The following AKTIP variants were observed in gnomAD, a reference collection of about 807,000 sequenced individuals.
The protein encoded by AKTIP is AKT-interacting protein.
In AKTIP, 16 loss-of-function variants were observed where a neutral mutation model predicts 39.1. The ratio of observed to expected loss-of-function variants is 0.41; its 90% CI spans 0.28 to 0.62. The LOEUF is 0.62. Among genes scored for constraint, AKTIP ranks in the 20% least tolerant of loss-of-function variants. AKTIP has a pLI of 0.32. For missense variants in AKTIP, 262 were observed against 356.6 expected (o/e 0.73, Z 2.14); for synonymous variants, 93 against 124.3 (o/e 0.75, Z 1.67).
upstream of AKTIP, among the ~76,000 whole-genome samples, chr16:53,503,482 C>CT (rs1962314036): frequency 6.6e-6 from 1 of 152,224 alleles, no homozygotes; most frequent in Non-Finnish European, 1.5e-5. Flanking sequence ...GTAACAGCGC[C>CT]TGGGACGGCC....
chr16:53,498,792 A>T (rs575042998), intron 2 of AKTIP, among the ~76,000 whole-genome samples, 196 bp from the exon 3 acceptor site: 30 of 152,360 alleles, frequency 2.0e-4, no homozygotes, highest in Admixed American at 1.1e-3. Context: ...AGACCAAAGC[A>T]TTAGAGAAAC....
At chr16:53,502,346 T>C (rs1227097630) in intron 1 of AKTIP, among the ~76,000 whole-genome samples, 3 of 152,220 alleles carry the variant, frequency 2.0e-5, no homozygotes, top group Non-Finnish European at 4.4e-5. Flanking sequence ...TCCTTGTCAC[T>C]TGGAAACAAT....
chr16:53,499,034 C>A (rs1435425992), intron 2 of AKTIP, among the ~76,000 whole-genome samples: 1 of 152,228 alleles, frequency 6.6e-6, no homozygotes, highest in African/African-American at 2.4e-5. Context: ...CAGTCACTGC[C>A]TGTTAGCACT....
At chr16:53,504,368 C>A (rs1183309583), upstream of AKTIP, 1 of 152,164 alleles carries the variant, frequency 6.6e-6, no homozygotes, top group Non-Finnish European at 1.5e-5. Flanking sequence ...ACTCAGAAGC[C>A]GCATTCTCTG....
Position 53,491,409 on chromosome 16 carries a change from C to CTAT in AKTIP, c.*1000_*1002dup, listed in dbSNP as rs984244807. 30 of 152,388 alleles carry CTAT rather than the reference C, an allele frequency of 2.0e-4. No homozygotes were observed. The highest frequency in any genetic ancestry group is 7.2e-4 in the African/African-American group (30 of 41,544). The allele number at this position is 152,388 out of a possible 1,614,324, so 9.4% of individuals were successfully genotyped here. The stretch of plus-strand genomic sequence containing the variant: ...TATCTATACATATCTTTATTAATCA[C>CTAT]TATTGTTCCAGCAGTTTTCAAGTCA... On this transcript the variant is annotated 3_prime_UTR_variant, in exon 10 of 10. Coordinates refer to ENST00000394657, the MANE Select transcript of AKTIP (RefSeq NM_022476.4).
At chr16:53,493,545 T>A (rs1327629915) in intron 8 of AKTIP, 1 of 153,960 alleles carries the variant, frequency 6.5e-6, no homozygotes, top group African/African-American at 2.4e-5. Flanking sequence ...GACCTCGTGA[T>A]CCACCCACCT....
At chr16:53,503,723 C>G (rs1307015666), upstream of AKTIP, among the ~76,000 whole-genome samples, 7 of 152,244 alleles carry the variant, frequency 4.6e-5, no homozygotes, top group Non-Finnish European at 8.8e-5. Context: ...GCTCCCATCG[C>G]TAGGTCCTAC....
chr16:53,492,242 A>G lies in AKTIP; in HGVS notation c.*170T>C. 3.4e-6 allele frequency: 2 copies of G among 596,360 alleles called. No individual in the cohort carries two copies. The highest frequency in any genetic ancestry group is 5.6e-5 in the East Asian group (2 of 35,696). The allele number at this position is 596,360 out of a possible 1,614,324, so 36.9% of individuals were successfully genotyped here. A position where few individuals can be genotyped will look rare whatever the true frequency, so the allele number is the denominator to read the frequency against. ...TTCTGACAGAAGTAATGCATTACTTAGAGACAGGTTTCCAAACCCTGCTGT... is the reference window on the plus strand; with the variant it reads ...TTCTGACAGAAGTAATGCATTACTTGGAGACAGGTTTCCAAACCCTGCTGT... On this transcript the variant is annotated 3_prime_UTR_variant, in exon 10 of 10. Transcript: ENST00000394657.
At chr16:53,500,194 A>C in intron 2 of AKTIP, 24 bp downstream of exon 2, 1 of 1,570,290 alleles carries the variant, frequency 6.4e-7, no homozygotes, top group Non-Finnish European at 8.7e-7. Context: ...GGGTTTTCTT[A>C]CTGAATTTAT....
chr16:53,502,106 G>A (rs969720098), intron 1 of AKTIP, among the ~76,000 whole-genome samples: 1 of 152,188 alleles, frequency 6.6e-6, no homozygotes, highest in Non-Finnish European at 1.5e-5. Context: ...GGTCTAACGC[G>A]TTAGGATTCT....
At position 53,492,705 on chromosome 16, in the gene AKTIP, C is replaced by T; in HGVS notation, c.759G>A (p.Met253Ile). 6.2e-7 allele frequency: 1 copy of T among 1,614,078 alleles called. No homozygotes were observed. Among genetic ancestry groups the T allele is most frequent in the Non-Finnish European group, 8.5e-7 (1 of 1,179,960 alleles). The change falls in exon 9 of 10, where the codon ATG becomes ATA. Residue 253 changes from methionine (M) to isoleucine (I), a missense_variant. Met to Ile is a conservative substitution (Grantham distance 10). Transcript: ENST00000394657. Reference protein sequence around the residue: ...PSVHDEAREKMLTQKKPEEQH... With the variant: ...PSVHDEAREKILTQKKPEEQH... ...GTTATCCACTTACTTTCTGAGTCAG[C>T]ATCTTTTCTCTGGCTTCATCATGTA... is the stretch of plus-strand genomic sequence containing the variant.
At chr16:53,500,433 A>G in intron 1 of AKTIP, 104 bp from the exon 2 acceptor site, 2 of 632,076 alleles carry the variant, frequency 3.2e-6, no homozygotes, top group South Asian at 2.3e-5. Context: ...GCTGGAGTGC[A>G]GTGGTGTGAT....
rs1961960643 is a variant in AKTIP at position 53,498,267 on chromosome 16, G to GAA, written c.248+122_248+123dup. On this transcript the variant is annotated intron_variant, in intron 3 of 9. Transcript: ENST00000394657. ...TTTATATTTATTAAGTCTGATACTG[G>GAA]AAAGGGACAGGTTTGAGCTTTGAGA... is the stretch of plus-strand genomic sequence containing the variant. The GAA allele has an allele frequency of 2.4e-5, 24 of 992,058 alleles. No homozygotes were observed. The South Asian group carries it at 3.5e-4, about 14-fold the overall frequency. 61.5% of individuals were successfully genotyped at this position (992,058 alleles called of 1,614,324 possible).
intron 1 of AKTIP, 101 bp from the exon 2 acceptor site, chr16:53,500,430 T>G (rs1020497017): frequency 1.6e-6 from 1 of 642,336 alleles, no homozygotes. Flanking sequence ...CAGGCTGGAG[T>G]GCAGTGGTGT....
chr16:53,491,925 G>GT lies in AKTIP; in HGVS notation c.*486dup, dbSNP rs1264780949. The GT allele has an allele frequency of 6.5e-6, 1 of 152,718 alleles. No homozygotes were observed. Among genetic ancestry groups the GT allele is most frequent in the Non-Finnish European group, 1.5e-5 (1 of 68,216 alleles). The allele number at this position is 152,718 out of a possible 1,614,324, so 9.5% of individuals were successfully genotyped here. On this transcript the variant is annotated 3_prime_UTR_variant, in exon 10 of 10. Coordinates refer to ENST00000394657, the MANE Select transcript of AKTIP (RefSeq NM_022476.4). ...CTCAGTGATTTCAGTTTGTAAATCA[G>GT]TAAGACAGTGCAGGCTACAAATCAG...
intron 9 of AKTIP, 83 bp downstream of exon 9, chr16:53,492,610 G>A: frequency 5.6e-6 from 9 of 1,597,114 alleles, no homozygotes; most frequent in Non-Finnish European, 7.7e-6. Context: ...AAAGTTACTT[G>A]TATGTAATGA....
At chr16:53,504,002 A>G (rs370766060), upstream of AKTIP, among the ~76,000 whole-genome samples, 1 of 151,476 alleles carries the variant, frequency 6.6e-6, no homozygotes, top group Non-Finnish European at 1.5e-5. Context: ...GCTGAGGACC[A>G]GGAATCCACA....
At chr16:53,494,820 C>T in intron 5 of AKTIP, 1 of 710,974 alleles carries the variant, frequency 1.4e-6, no homozygotes, top group Non-Finnish European at 2.5e-6. Flanking sequence ...TCCACTAGAG[C>T]CTGAGGGCCA....
rs779196597 is a variant in AKTIP, at chr16:53,495,275, A to G, written c.300T>C (p.Tyr100=). The change falls in exon 4 of 10, where the codon TAT becomes TAC. Residue 100 remains tyrosine (Y), a synonymous_variant. Transcript: ENST00000394657. The part of the protein sequence containing the change: ...KLPGVYVQPS[Y]RSALMWFGVI... ...TCCTCATCTTACTTAATGCAGAGCG[A>G]TAAGATGGCTGCACATAGACGCCTG... 19 of 1,614,226 alleles carry G rather than the reference A, an allele frequency of 1.2e-5. No homozygotes were observed. Among genetic ancestry groups the G allele is most frequent in the Admixed American group, 5.0e-5 (3 of 60,018 alleles).
Sources: gnomAD v4.1 joint callset for allele counts (sites outside exome capture counted in the v4.1 genomes callset) on GRCh38, gnomAD v4.1.1 for gene constraint, MANE v1.5 for transcripts, NCBI Gene and HGNC (gene_info 2026-07-23, HGNC 2026-07-21) for gene names.